ELMOD3: variants seen among roughly 807,000 people sequenced by gnomAD.
ELMOD3 encodes the protein ELMO domain-containing protein 3.
Under a neutral mutation model 47.4 loss-of-function variants are expected in ELMOD3, and 36 were observed. The observed-to-expected ratio is 0.76, with a 90% CI of 0.58 to 1.00. The LOEUF (loss-of-function observed/expected upper bound fraction) is 1.00, where lower values mean the gene tolerates loss of function less well. ELMOD3 is among the 50% of genes least tolerant of loss of function. The pLI, the probability that ELMOD3 is intolerant of heterozygous loss-of-function variation, is 0.00. For synonymous variants in ELMOD3, 149 were observed against 183.5 expected (o/e 0.81, Z 1.52); for missense variants, 404 against 463.8 (o/e 0.87, Z 1.18).
intron 10 of ELMOD3, among the ~76,000 whole-genome samples, chr2:85,375,240 G>A (rs1362031931): frequency 6.6e-6 from 1 of 152,190 alleles, no homozygotes; most frequent in East Asian, 1.9e-4. Context: ...ATTTTCAGCT[G>A]TGATTCCTTT....
At chr2:85,379,026 C>T (rs7584492) in intron 11 of ELMOD3, among the ~76,000 whole-genome samples, 12,889 of 152,192 alleles carry the variant, frequency 0.085, 584 homozygotes, top group South Asian at 0.16. Flanking sequence ...GTCTATACAT[C>T]AGTAGGCAGG....
At chr2:85,361,914 G>A (rs987015370) in intron 4 of ELMOD3, among the ~76,000 whole-genome samples, 16 of 151,638 alleles carry the variant, frequency 1.1e-4, no homozygotes, top group African/African-American at 3.9e-4. Context: ...CTGGGTGACA[G>A]AGTGAGACTC....
rs1558688751 is a variant in ELMOD3, at chr2:85,356,947, CT to C, written c.-232-12del. ...TGAAACCAGTTTTCTTTTTCAATTT[CT>C]TTTTTTTCTTTTGTGCAGAGCTGAG... On this transcript the variant is annotated intron_variant, in intron 3 of 13. Transcript: ENST00000409013. 1.3e-5 allele frequency: 4 copies of C among 313,660 alleles called. No individual in the cohort carries two copies. Among genetic ancestry groups the C allele is most frequent in the Non-Finnish European group, 1.2e-5 (2 of 173,398 alleles). The allele number at this position is 313,660 out of a possible 1,614,324, so 19.4% of individuals were successfully genotyped here.
In ELMOD3 at chr2:85,390,874, G is replaced by A; in HGVS notation, c.1058G>A (p.Gly353Glu). The A allele has an allele frequency of 6.4e-7, 1 of 1,551,694 alleles. No individual in the cohort carries two copies. Among genetic ancestry groups the A allele is most frequent in the South Asian group, 1.2e-5 (1 of 84,064 alleles). ...ASLLGAQKCY[G>E]PEAPPFKDLT... ...TTGTTGGGAGCACAGAAGTGCTATG[G>A]GCCAGAAGCCCCTCCCTTCAAGGAT... Residue 353 changes from glycine to glutamate, a missense_variant, in exon 14 of 14, where the codon GGG becomes GAG. By Grantham distance (98) the Gly-to-Glu change is moderately conservative. Coordinates refer to ENST00000409013, the MANE Select transcript of ELMOD3 (RefSeq NM_001135022.2).
At chr2:85,375,465 T>TCTCCTGTTGACCCCATC (rs1685106860) in intron 10 of ELMOD3, among the ~76,000 whole-genome samples, 2 of 152,360 alleles carry the variant, frequency 1.3e-5, no homozygotes, top group South Asian at 4.1e-4. Context: ...TTGTCTCCGT[T>TCTCCTGTTGACCCCATC]CTCCTGTTGA....
chr2:85,385,040 C>T (rs534984799), intron 11 of ELMOD3, among the ~76,000 whole-genome samples: 107 of 152,216 alleles, frequency 7.0e-4, no homozygotes, highest in African/African-American at 2.6e-3. Flanking sequence ...TGTGGAGAGA[C>T]AGTTACAGTA....
At chr2:85,358,087 C>T (rs1006041497) in intron 4 of ELMOD3, among the ~76,000 whole-genome samples, 2 of 152,032 alleles carry the variant, frequency 1.3e-5, no homozygotes, top group Admixed American at 6.6e-5. Context: ...GGAGACCAGC[C>T]TGGCTAACAT....
At position 85,369,782 on chromosome 2, in the gene ELMOD3, C is replaced by G. The variant is rs780921189; in HGVS notation, c.312C>G (p.Phe104Leu). ...AGCAGCCTGGGCAGCTAATCTCCTT[C>G]AGTGAGGCCCTGCAGCACTTCCAGA... ...SSEQPGQLIS[F>L]SEALQHFQTV... Residue 104 changes from phenylalanine (F) to leucine (L), a missense_variant, in exon 8 of 14, where the codon TTC (phenylalanine) becomes TTG (leucine). Physicochemically the swap from Phe to Leu is conservative, Grantham distance 22. Coordinates refer to ENST00000409013, the MANE Select transcript of ELMOD3 (RefSeq NM_001135022.2). 6.2e-7 allele frequency: 1 copy of G among 1,614,134 alleles called. No homozygotes were observed. Among genetic ancestry groups the G allele is most frequent in the South Asian group, 1.1e-5 (1 of 91,088 alleles).
chr2:85,388,237 G>A (rs918921288), intron 11 of ELMOD3, among the ~76,000 whole-genome samples: 3 of 151,966 alleles, frequency 2.0e-5, no homozygotes, highest in East Asian at 3.8e-4. Flanking sequence ...TGATCCATCC[G>A]CCTGTAATCC....
intron 11 of ELMOD3, 70 bp from the exon 12 acceptor site, chr2:85,389,681 C>G: frequency 2.2e-6 from 3 of 1,361,940 alleles, no homozygotes; most frequent in Non-Finnish European, 1.0e-6. Context: ...GCGAGCCACA[C>G]CAGGCTGCAG....
intron 7 of ELMOD3, 53 bp from the exon 8 acceptor site, chr2:85,369,686 T>G: frequency 8.8e-6 from 14 of 1,589,550 alleles, no homozygotes; most frequent in East Asian, 2.3e-5. Flanking sequence ...CAGTAAATGT[T>G]TGTTGACAGA....
At chr2:85,359,326 A>C (rs1683776845) in intron 4 of ELMOD3, among the ~76,000 whole-genome samples, 1 of 151,394 alleles carries the variant, frequency 6.6e-6, no homozygotes, top group Non-Finnish European at 1.5e-5. Flanking sequence ...TGTGTTATGC[A>C]CTCTGGCCAA....
At chr2:85,356,931 T>G in intron 3 of ELMOD3, 36 bp from the exon 4 acceptor site, 11 of 262,434 alleles carry the variant, frequency 4.2e-5, no homozygotes, top group Non-Finnish European at 4.3e-5. Context: ...GTGAAACCAG[T>G]TTTCTTTTTC....
rs575600796 is a variant in ELMOD3, at chr2:85,371,108, G to A, written c.383G>A (p.Arg128Gln). 1.4e-5 allele frequency: 22 copies of A among 1,614,178 alleles called. No homozygotes were observed. The highest frequency in any genetic ancestry group is 1.6e-4 in the Middle Eastern group (1 of 6,062). ...PFKKRIQPTI[R>Q]RTGLAALRHY... ...CAGAAAAGAATCCAGCCAACTATTCGAAGGACTGGGCTCGCCGCCCTCCGA... is the reference window on the plus strand; with the variant it reads ...CAGAAAAGAATCCAGCCAACTATTCAAAGGACTGGGCTCGCCGCCCTCCGA... Residue 128 changes from arginine (R) to glutamine (Q), a missense_variant, in exon 9 of 14, where the codon CGA becomes CAA. By Grantham distance (43) the Arg-to-Gln change is conservative (BLOSUM62 1). Transcript: ENST00000409013.
At position 85,390,663 on chromosome 2, in the gene ELMOD3, TG is replaced by T. The variant is rs887453135; in HGVS notation, c.944-92del. On this transcript the variant is annotated intron_variant, in intron 13 of 13. Coordinates refer to ENST00000409013, the MANE Select transcript of ELMOD3 (RefSeq NM_001135022.2). ...CACTTTCTCTCCATGGGATAGGGGT[TG>T]GGGGTACTCCCTAGAGCTGCTAGGC... is the stretch of plus-strand genomic sequence containing the variant. The T allele has an allele frequency of 3.3e-6, 5 of 1,499,264 alleles. No individual in the cohort carries two copies. In the African/African-American group the frequency reaches 7.0e-5, roughly 21 times the overall value. 92.9% of individuals were successfully genotyped at this position (1,499,264 alleles called of 1,614,324 possible). A position where few individuals can be genotyped will look rare whatever the true frequency, so the allele number is the denominator to read the frequency against.
At position 85,371,503 on chromosome 2, in the gene ELMOD3, C is replaced by T. The variant is rs780663226; in HGVS notation, c.548C>T (p.Thr183Ile). The change falls in exon 10 of 14, where the codon ACC (threonine) becomes ATC (isoleucine). Residue 183 changes from threonine (T) to isoleucine (I), a missense_variant. Coordinates refer to ENST00000409013, the MANE Select transcript of ELMOD3 (RefSeq NM_001135022.2). The stretch of plus-strand genomic sequence containing the variant: ...CTCCAGACCATCTATAAGAAGCTGA[C>T]CGGCTCCAAGTTTGACTGTGCCCTT... ...RVLQTIYKKL[T>I]GSKFDCALHG... is the part of the protein sequence containing the mutation. The T allele has an allele frequency of 3.1e-5, 50 of 1,614,112 alleles. No homozygotes were observed. Among genetic ancestry groups the T allele is most frequent in the Non-Finnish European group, 4.1e-5 (48 of 1,180,048 alleles).
intron 11 of ELMOD3, among the ~76,000 whole-genome samples, chr2:85,378,288 C>A (rs1393285533): frequency 6.6e-6 from 1 of 152,208 alleles, no homozygotes; most frequent in African/African-American, 2.4e-5. Flanking sequence ...TTACTTTTTA[C>A]AGTGTGACCC....
intron 10 of ELMOD3, 91 bp downstream of exon 10, chr2:85,371,653 G>T: frequency 1.3e-6 from 2 of 1,548,740 alleles, no homozygotes; most frequent in Non-Finnish European, 1.8e-6. Flanking sequence ...AGTGCTATGA[G>T]GGGGAAGATC....
intron 11 of ELMOD3, among the ~76,000 whole-genome samples, chr2:85,385,535 GGCAGGAAC>G (rs1437461057): frequency 1.3e-5 from 2 of 152,200 alleles, no homozygotes; most frequent in African/African-American, 2.4e-5. Flanking sequence ...CATCAGCTAA[GGCAGGAAC>G]AGGCCATTTT....
Sources: gnomAD v4.1 joint callset for allele counts (sites outside exome capture counted in the v4.1 genomes callset) on GRCh38, gnomAD v4.1.1 for gene constraint, MANE v1.5 for transcripts, NCBI Gene and HGNC (gene_info 2026-07-23, HGNC 2026-07-21) for gene names.